PPP2R5C: variants seen among roughly 807,000 people sequenced by gnomAD.
PPP2R5C encodes protein phosphatase 2 regulatory subunit B'gamma.
Under a neutral mutation model 68.9 loss-of-function variants are expected in PPP2R5C, and 7 were observed. The observed-to-expected ratio is 0.10, with a 90% CI of 0.06 to 0.19. The LOEUF is 0.19. Among genes scored for constraint, PPP2R5C ranks in the 10% least tolerant of loss-of-function variants. The probability of loss-of-function intolerance (pLI) is 1.00; values close to 1 mark genes in which losing one functional copy is unlikely to be tolerated. For missense variants in PPP2R5C, 348 were observed against 641.3 expected, an observed-to-expected ratio of 0.54 and a Z score of 4.94; for synonymous variants, 210 against 222.2, an observed-to-expected ratio of 0.95 and a Z score of 0.49.
chr14:101,879,232 C>T lies in PPP2R5C; in HGVS notation c.295-2929C>T, dbSNP rs891651562. Reference sequence around the variant, plus strand: ...GGGAAGGGCAGCTGCCTGTTCTGCTCAGTTGCTCCCTGTGGCCTCGGCCAG... The same window carrying T: ...GGGAAGGGCAGCTGCCTGTTCTGCTTAGTTGCTCCCTGTGGCCTCGGCCAG... On this transcript the variant is annotated intron_variant, in intron 2 of 13. Transcript: ENST00000334743. The surrounding 1 kb of genome is among the most constrained non-coding windows in gnomAD (Gnocchi z 4.2). 6.6e-6 allele frequency: 1 copy of T among 152,400 alleles called. No homozygotes were observed. The highest frequency in any genetic ancestry group is 1.5e-5 in the Non-Finnish European group (1 of 68,218). The allele number at this position is 152,400 out of a possible 1,614,324, so 9.4% of individuals were successfully genotyped here.
chr14:101,841,118 C>T (rs576182164), intron 1 of PPP2R5C, among the ~76,000 whole-genome samples: 1 of 152,296 alleles, frequency 6.6e-6, no homozygotes, highest in African/African-American at 2.4e-5. Flanking sequence ...TTCCCATTTT[C>T]CAGTTGAGAA....
intron 2 of PPP2R5C, among the ~76,000 whole-genome samples, chr14:101,782,135 CT>C (rs1379897210): frequency 1.5e-5 from 1 of 68,284 alleles, no homozygotes; most frequent in African/African-American, 6.4e-5. Flanking sequence ...TCCCCTCCCC[CT>C]CCCCATCCCT....
At chr14:101,875,574 A>G (rs899057427) in intron 2 of PPP2R5C, among the ~76,000 whole-genome samples, 1 of 152,202 alleles carries the variant, frequency 6.6e-6, no homozygotes, top group Non-Finnish European at 1.5e-5. Flanking sequence ...CCTAGGTGCC[A>G]GGCACAGTGG....
intron 3 of PPP2R5C, among the ~76,000 whole-genome samples, chr14:101,790,736 T>C (rs564513712): frequency 6.6e-6 from 1 of 152,354 alleles, no homozygotes; most frequent in East Asian, 1.9e-4. Context: ...CTTGAGTAGA[T>C]ACCTAGGAGT....
At chr14:101,771,734 AC>A (rs1229086441) in intron 2 of PPP2R5C, among the ~76,000 whole-genome samples, 12 of 152,052 alleles carry the variant, frequency 7.9e-5, no homozygotes, top group African/African-American at 2.9e-4. Context: ...CATCTCAACA[AC>A]AACACAAAAA....
chr14:101,856,835 C>T, exon 2 of PPP2R5C: 1 of 1,614,138 alleles, frequency 6.2e-7, no homozygotes. Context: ...ATATATCACC[C>T]ATAATCGGAA....
At chr14:101,849,696 G>A (rs1193220709) in intron 1 of PPP2R5C, among the ~76,000 whole-genome samples, 4 of 90,994 alleles carry the variant, frequency 4.4e-5, no homozygotes, top group African/African-American at 1.8e-4. Context: ...ATTTGATCCA[G>A]TTGCTTCCTT....
In PPP2R5C at chr14:101,888,721, A is replaced by G. The variant is rs1367818681; in HGVS notation, c.630-1516A>G. Among the ~76,000 whole-genome samples, 1 of 152,010 alleles carries G rather than the reference A, an allele frequency of 6.6e-6. No individual in the cohort carries two copies. Among genetic ancestry groups the G allele is most frequent in the Non-Finnish European group, 1.5e-5 (1 of 67,996 alleles). ...ATCCTCCCACCTCAGCCTCCCACAT[A>G]TGTGGGATTACAGGCATGTGCCACC... On this transcript the variant is annotated intron_variant, in intron 5 of 13. Transcript: ENST00000334743. The surrounding 1 kb of genome is among the most constrained non-coding windows in gnomAD (Gnocchi z 5.6).
intron 1 of PPP2R5C, among the ~76,000 whole-genome samples, chr14:101,828,015 G>T (rs541642077): frequency 6.6e-6 from 1 of 152,154 alleles, no homozygotes; most frequent in Admixed American, 6.5e-5. Flanking sequence ...CAGTCCTCAG[G>T]ATTCTTTATG....
At chr14:101,870,005 G>C (rs1018336682) in intron 2 of PPP2R5C, among the ~76,000 whole-genome samples, 1 of 120,834 alleles carries the variant, frequency 8.3e-6, no homozygotes, top group African/African-American at 3.1e-5. Context: ...TTGGTGAATT[G>C]TCTGTTCCAA....
upstream of PPP2R5C, chr14:101,809,771 C>T (rs528230527): frequency 8.4e-6 from 11 of 1,315,758 alleles, no homozygotes; most frequent in East Asian, 1.2e-4. Flanking sequence ...TTTTTAGTGT[C>T]ATTTTAAGTT....
intron 2 of PPP2R5C, chr14:101,765,494 A>T (rs915503627): frequency 7.9e-6 from 4 of 505,918 alleles, no homozygotes; most frequent in Non-Finnish European, 1.4e-5. Flanking sequence ...CCTCTCTCTC[A>T]GTATTACTCT....
chr14:101,763,896 T>G (rs1251413125), intron 2 of PPP2R5C, among the ~76,000 whole-genome samples: 5 of 152,222 alleles, frequency 3.3e-5, no homozygotes, highest in Admixed American at 2.0e-4. Flanking sequence ...GCTACTGACG[T>G]CCTGGGCTAG....
chr14:101,774,010 A>C (rs1235360396), intron 2 of PPP2R5C, among the ~76,000 whole-genome samples: 2 of 152,166 alleles, frequency 1.3e-5, no homozygotes, highest in Admixed American at 6.5e-5. Context: ...TTGAGTTTTT[A>C]TTCTGAGGGT....
At chr14:101,927,059 T>C (rs2047313461) in exon 14 of PPP2R5C, 1 of 152,218 alleles carries the variant, frequency 6.6e-6, no homozygotes, top group Non-Finnish European at 1.5e-5. Context: ...TGCTTTTTAT[T>C]GTATAAAGCA....
In PPP2R5C at chr14:101,814,778, T is replaced by A. The variant is rs111930909; in HGVS notation, c.94+4742T>A. ...GTGGTTTGGGATACATCCTAACTTT[T>A]GGTTCCATATGTCAAATAAAATTGC... On this transcript the variant is annotated intron_variant, in intron 1 of 13. Coordinates refer to ENST00000334743, the Ensembl canonical transcript of PPP2R5C. 8.5e-3 allele frequency among the ~76,000 whole-genome samples: 1,288 copies of A among 152,354 alleles called. 14 individuals carry two copies. Among genetic ancestry groups the A allele is most frequent in the African/African-American group, 0.029 (1,211 of 41,582 alleles).
intron 1 of PPP2R5C, among the ~76,000 whole-genome samples, chr14:101,830,916 A>G (rs1037086219): frequency 7.2e-5 from 11 of 152,318 alleles, no homozygotes; most frequent in African/African-American, 2.6e-4. Flanking sequence ...AGTTAGAGTG[A>G]TAAGTAAGTT....
chr14:101,856,211 T>C (rs1328619224), intron 1 of PPP2R5C, among the ~76,000 whole-genome samples: 1 of 152,212 alleles, frequency 6.6e-6, no homozygotes, highest in African/African-American at 2.4e-5. Flanking sequence ...GCTGAGGGCC[T>C]ATAGGCAGAC....
intron 2 of PPP2R5C, among the ~76,000 whole-genome samples, chr14:101,778,748 C>T (rs554020757): frequency 1.3e-5 from 2 of 152,254 alleles, no homozygotes; most frequent in Admixed American, 1.3e-4. Context: ...CTACCTTGAG[C>T]CAGATGCACT....
Sources: gnomAD v4.1 joint callset for allele counts (sites outside exome capture counted in the v4.1 genomes callset) on GRCh38, gnomAD v4.1.1 for gene constraint, Gnocchi (gnomAD v3.1) non-coding constraint, MANE v1.5 for transcripts, NCBI Gene and HGNC (gene_info 2026-07-23, HGNC 2026-07-21) for gene names.